ZNF827: variants seen among roughly 807,000 people sequenced by gnomAD.
ZNF827 encodes zinc finger protein 827.
In ZNF827, 13 loss-of-function variants were observed where a neutral mutation model predicts 102.4. The ratio of observed to expected loss-of-function variants is 0.13; its 90% CI spans 0.08 to 0.20. ZNF827 has a LOEUF of 0.20. ZNF827 is among the 10% of genes least tolerant of loss of function. ZNF827 has a pLI of 1.00. For missense variants in ZNF827, 1,103 were observed against 1,344.4 expected (o/e 0.82, Z 2.81); for synonymous variants, 523 against 536.2 (o/e 0.98, Z 0.34).
At position 145,912,890 on chromosome 4, in the gene ZNF827, AAAACT is replaced by A. The variant is rs1579553746; in HGVS notation, c.44-9680_44-9676del. ...TGATACTTTATTACAGCAACCCAAGAAAACTAATATAAGTATATTTGGATGAAGGC... is the reference window on the plus strand; with the variant it reads ...TGATACTTTATTACAGCAACCCAAGAAATATAAGTATATTTGGATGAAGGC... On this transcript the variant is annotated intron_variant, in intron 1 of 14. Coordinates refer to ENST00000508784, the MANE Select transcript of ZNF827 (RefSeq NM_001306215.2). 2.0e-5 allele frequency among the ~76,000 whole-genome samples: 3 copies of A among 152,348 alleles called. No individual in the cohort carries two copies. In the East Asian group the frequency reaches 5.8e-4, roughly 29 times the overall value.
At chr4:145,789,780 C>T (rs1177675708) in intron 8 of ZNF827, among the ~76,000 whole-genome samples, 1 of 152,168 alleles carries the variant, frequency 6.6e-6, no homozygotes, top group African/African-American at 2.4e-5. Context: ...CGATTTGTTC[C>T]ACTGTAAATT....
chr4:145,918,453 G>A (rs1325736122), intron 1 of ZNF827, among the ~76,000 whole-genome samples: 1 of 142,842 alleles, frequency 7.0e-6, no homozygotes, highest in Non-Finnish European at 1.5e-5. Context: ...AAACAGCGAT[G>A]AGCTAAGATT....
At chr4:145,929,639 T>C (rs1753664887) in intron 1 of ZNF827, among the ~76,000 whole-genome samples, 1 of 151,902 alleles carries the variant, frequency 6.6e-6, no homozygotes, top group Non-Finnish European at 1.5e-5. Flanking sequence ...ACCACACTAA[T>C]GAGATATATT....
At position 145,924,593 on chromosome 4, in the gene ZNF827, C is replaced by T. The variant is rs142996909; in HGVS notation, c.43+13772G>A. ...CTCCCAACAGCCCCTTCAGGGGTCA[C>T]ATCCACCGCCATCCACCTGAGTTTG... On this transcript the variant is annotated intron_variant, in intron 1 of 14. Transcript: ENST00000508784. Among the ~76,000 whole-genome samples, 492 of 152,290 alleles carry T rather than the reference C, an allele frequency of 3.2e-3. 3 individuals are homozygous for T. The highest frequency in any genetic ancestry group is 5.0e-3 in the Non-Finnish European group (338 of 68,020).
At chr4:145,818,537 A>G (rs1013256982) in intron 8 of ZNF827, among the ~76,000 whole-genome samples, 2 of 152,240 alleles carry the variant, frequency 1.3e-5, no homozygotes, top group African/African-American at 4.8e-5. Context: ...TTACAAAACG[A>G]TATACACTAA....
At chr4:145,814,059 A>T (rs1052163618) in intron 8 of ZNF827, among the ~76,000 whole-genome samples, 3 of 152,164 alleles carry the variant, frequency 2.0e-5, no homozygotes, top group Admixed American at 6.5e-5. Context: ...GGAAACCCCA[A>T]ATCCGAAATG....
At chr4:145,889,705 A>T in intron 3 of ZNF827, among the ~76,000 whole-genome samples, 1 of 152,176 alleles carries the variant, frequency 6.6e-6, no homozygotes. Context: ...GGCCGGGTGC[A>T]GTGGCTCACG....
rs532723810 is a variant in ZNF827 at position 145,936,179 on chromosome 4, C to A, written c.43+2186G>T. 2.9e-4 allele frequency among the ~76,000 whole-genome samples: 44 copies of A among 152,192 alleles called. No individual in the cohort carries two copies. The South Asian group carries it at 3.1e-3, about 11-fold the overall frequency. ...GATTCCTGCCTCCTCTCCCTCCCCCCACACGCCCCCGACAAGAGCCCGGCA... is the reference window on the plus strand; with the variant it reads ...GATTCCTGCCTCCTCTCCCTCCCCCAACACGCCCCCGACAAGAGCCCGGCA... On this transcript the variant is annotated intron_variant, in intron 1 of 14. Coordinates refer to ENST00000508784, the MANE Select transcript of ZNF827 (RefSeq NM_001306215.2).
intron 8 of ZNF827, among the ~76,000 whole-genome samples, chr4:145,806,110 A>T (rs1741408466): frequency 6.6e-6 from 1 of 150,926 alleles, no homozygotes; most frequent in Non-Finnish European, 1.5e-5. Flanking sequence ...AGTACCTGGC[A>T]TACAAAAGCT....
At chr4:145,862,634 T>C (rs904771967) in intron 5 of ZNF827, among the ~76,000 whole-genome samples, 1 of 152,180 alleles carries the variant, frequency 6.6e-6, no homozygotes, top group African/African-American at 2.4e-5. Context: ...ATTTAAAAAG[T>C]TGACATATAA....
chr4:145,776,577 G>T (rs866228142), intron 9 of ZNF827, among the ~76,000 whole-genome samples: 3 of 151,832 alleles, frequency 2.0e-5, no homozygotes, highest in African/African-American at 7.3e-5. Flanking sequence ...CAGGGCAAAA[G>T]AATATTCTGT....
At chr4:145,900,458 G>A (rs1751325451) in intron 2 of ZNF827, among the ~76,000 whole-genome samples, 1 of 151,722 alleles carries the variant, frequency 6.6e-6, no homozygotes, top group South Asian at 2.1e-4. Flanking sequence ...CATCCAGGCT[G>A]GACTGCAGTG....
rs1474155575 is a variant in ZNF827 at position 145,845,904 on chromosome 4, G to A, written c.2279+52C>T. 21 of 1,590,392 alleles carry A rather than the reference G, an allele frequency of 1.3e-5. No individual in the cohort carries two copies. The East Asian group carries it at 4.5e-4, about 34-fold the overall frequency. On this transcript the variant is annotated intron_variant, in intron 7 of 14. Coordinates refer to ENST00000508784, the MANE Select transcript of ZNF827 (RefSeq NM_001306215.2). ...GGAGCAACGTTCAACATGTAGTACG[G>A]GCTGGTGGCCCACACGGGGTGTTCT...
intron 7 of ZNF827, among the ~76,000 whole-genome samples, chr4:145,837,575 G>A (rs1309161089): frequency 2.6e-5 from 4 of 152,052 alleles, no homozygotes; most frequent in Non-Finnish European, 5.9e-5. Flanking sequence ...TACACTGCCG[G>A]TTTACACTGT....
intron 7 of ZNF827, among the ~76,000 whole-genome samples, chr4:145,845,655 C>T (rs1159337614): frequency 6.6e-6 from 1 of 152,148 alleles, no homozygotes; most frequent in East Asian, 1.9e-4. Flanking sequence ...GAGACTTCTG[C>T]AGAGAGGATG....
intron 1 of ZNF827, among the ~76,000 whole-genome samples, chr4:145,937,670 C>T (rs1426711468): frequency 6.9e-6 from 1 of 144,158 alleles, no homozygotes; most frequent in East Asian, 2.1e-4. Context: ...CCTCCCCAGC[C>T]GCTCCCGCCT....
chr4:145,865,547 C>T (rs1047235949), intron 5 of ZNF827, among the ~76,000 whole-genome samples: 3 of 152,156 alleles, frequency 2.0e-5, no homozygotes, highest in Admixed American at 6.5e-5. Flanking sequence ...GCATCTCTAA[C>T]GCTTCCTTAT....
intron 4 of ZNF827, among the ~76,000 whole-genome samples, chr4:145,879,176 T>C (rs74469395): frequency 0.01 from 1,560 of 152,284 alleles, 29 homozygotes; most frequent in African/African-American, 0.035. Context: ...CTTCTGTGGT[T>C]ACCCAGAGCT....
At position 145,779,459 on chromosome 4, in the gene ZNF827, G is replaced by A; in HGVS notation, c.2436C>T (p.Phe812=). The A allele has an allele frequency of 6.2e-7, 1 of 1,614,230 alleles. No homozygotes were observed. The highest frequency in any genetic ancestry group is 8.5e-7 in the Non-Finnish European group (1 of 1,180,048). Residue 812 remains phenylalanine (F), a synonymous_variant, in exon 9 of 15, where the codon TTC becomes TTT. Transcript: ENST00000508784. ...EAGNGLPSWK[F]NDQLFPCDVC... The stretch of plus-strand genomic sequence containing the variant: ...CGTCACAGGGAAAAAGCTGGTCATT[G>A]AATTTCCAGGATGGTAATCCATTTC...
Sources: gnomAD v4.1 joint callset for allele counts (sites outside exome capture counted in the v4.1 genomes callset) on GRCh38, gnomAD v4.1.1 for gene constraint, MANE v1.5 for transcripts, NCBI Gene and HGNC (gene_info 2026-07-23, HGNC 2026-07-21) for gene names.